The following NRXN3 variants were observed in gnomAD, a reference collection of about 807,000 sequenced individuals.
The protein encoded by NRXN3 is neurexin III.
NRXN3 carries 32 observed loss-of-function variants against 137.6 expected under a neutral mutation model. The observed-to-expected ratio is 0.23, with a 90% CI of 0.18 to 0.31. NRXN3 has a LOEUF of 0.31. Ranked by LOEUF, NRXN3 falls within the 10% of genes least tolerant of loss-of-function variation. The pLI is 1.00. For missense variants in NRXN3, 1,574 were observed against 2,062.5 expected (o/e 0.76, Z 4.59); for synonymous variants, 798 against 784.5 (o/e 1.02, Z -0.29).
Position 78,496,891 on chromosome 14 carries a change from A to G in NRXN3, c.758-148229A>G, listed in dbSNP as rs77360690. Among the ~76,000 whole-genome samples, 930 of 152,174 alleles carry G rather than the reference A, an allele frequency of 6.1e-3. 7 individuals carry two copies. The highest frequency in any genetic ancestry group is 0.021 in the African/African-American group (878 of 41,524). On this transcript the variant is annotated intron_variant, in intron 4 of 20. Transcript: ENST00000335750. ...CTGAAGGACTCCAACTTGTACTTTG[A>G]GTTAAAATGGGAGCCACTGCAGAGT...
chr14:79,230,076 G>A (rs547523244), intron 15 of NRXN3, among the ~76,000 whole-genome samples: 1 of 152,108 alleles, frequency 6.6e-6, no homozygotes, highest in South Asian at 2.1e-4. Context: ...GCAGCAATCT[G>A]CTGCACTTTG....
intron 4 of NRXN3, among the ~76,000 whole-genome samples, chr14:78,493,779 A>G (rs758890983): frequency 1.4e-4 from 21 of 152,174 alleles, no homozygotes; most frequent in Non-Finnish European, 2.5e-4. Context: ...ACCTCAGTAC[A>G]TTCCAAAGCA....
At chr14:79,036,816 T>C (rs925880371) in intron 15 of NRXN3, among the ~76,000 whole-genome samples, 2 of 151,908 alleles carry the variant, frequency 1.3e-5, no homozygotes, top group Admixed American at 6.6e-5. Context: ...ATTTTTATAG[T>C]ATTGTTGACT....
At position 79,726,260 on chromosome 14, in the gene NRXN3, C is replaced by G. The variant is rs191099269; in HGVS notation, c.4014+28323C>G. 2.4e-4 allele frequency among the ~76,000 whole-genome samples: 36 copies of G among 152,254 alleles called. 1 individual carries two copies. The East Asian group carries it at 6.9e-3, about 29-fold the overall frequency. On this transcript the variant is annotated intron_variant, in intron 19 of 20. Transcript: ENST00000335750. Reference sequence around the variant, plus strand: ...AGCAAGGATTTGCTTTAAAATGTTTCTCTCCGATTTAGTTGCTGCACCTGG... The same window carrying G: ...AGCAAGGATTTGCTTTAAAATGTTTGTCTCCGATTTAGTTGCTGCACCTGG...
At chr14:79,039,171 T>G (rs2099621106) in intron 15 of NRXN3, among the ~76,000 whole-genome samples, 1 of 152,062 alleles carries the variant, frequency 6.6e-6, no homozygotes, top group African/African-American at 2.4e-5. Flanking sequence ...AATATAGAGG[T>G]TTCCTTGTCT....
chr14:78,518,246 A>G (rs867475327), intron 4 of NRXN3, among the ~76,000 whole-genome samples: 2 of 152,154 alleles, frequency 1.3e-5, no homozygotes, highest in South Asian at 2.1e-4. Context: ...GATGCCCACA[A>G]TGAGGGCTGT....
Position 78,630,581 on chromosome 14 carries a change from TTTTC to T in NRXN3, c.758-14523_758-14520del, listed in dbSNP as rs1205052588. ...TACAAATGTACTACACTCTTCTTAT[TTTTC>T]TTTCTTTCTTTCTTTTTTTTTTTTT... On this transcript the variant is annotated intron_variant, in intron 4 of 20. Transcript: ENST00000335750. Among the ~76,000 whole-genome samples, 874 of 146,704 alleles carry T rather than the reference TTTTC, an allele frequency of 6.0e-3. 4 individuals carry two copies. The highest frequency in any genetic ancestry group is 0.018 in the African/African-American group (697 of 38,840).
chr14:79,691,312 T>A (rs2098715684), intron 17 of NRXN3, among the ~76,000 whole-genome samples: 2 of 151,954 alleles, frequency 1.3e-5, no homozygotes. Flanking sequence ...AATGGATGCT[T>A]GTTCAGAAAG....
chr14:79,078,585 G>C (rs1019598847), intron 15 of NRXN3, among the ~76,000 whole-genome samples: 9 of 152,126 alleles, frequency 5.9e-5, no homozygotes, highest in Non-Finnish European at 1.0e-4. Context: ...AAGAATAAGA[G>C]GTGGTAAAAT....
intron 15 of NRXN3, among the ~76,000 whole-genome samples, chr14:79,374,719 A>G (rs1349579463): frequency 6.6e-6 from 1 of 152,124 alleles, no homozygotes; most frequent in Non-Finnish European, 1.5e-5. Context: ...CCCATGCTTC[A>G]AGATGTCCCA....
chr14:79,113,179 C>G (rs2053838077), intron 15 of NRXN3, among the ~76,000 whole-genome samples: 1 of 152,094 alleles, frequency 6.6e-6, no homozygotes, highest in South Asian at 2.1e-4. Flanking sequence ...CAGACATTGC[C>G]AAATGTCCTC....
At chr14:79,828,722 T>C (rs779192440) in intron 20 of NRXN3, among the ~76,000 whole-genome samples, 4 of 147,540 alleles carry the variant, frequency 2.7e-5, no homozygotes, top group African/African-American at 5.0e-5. Flanking sequence ...GGAATAGTCA[T>C]GGGAGCCATT....
Position 79,867,920 on chromosome 14 carries a change from A to T in NRXN3, c.*5956A>T, listed in dbSNP as rs1322073468. The T allele has an allele frequency of 6.6e-6, 1 of 151,186 alleles. No individual in the cohort carries two copies. Among genetic ancestry groups the T allele is most frequent in the Non-Finnish European group, 1.5e-5 (1 of 67,940 alleles). The allele number at this position is 151,186 out of a possible 1,614,324, so 9.4% of individuals were successfully genotyped here. A position where few individuals can be genotyped will look rare whatever the true frequency, so the allele number is the denominator to read the frequency against. On this transcript the variant is annotated 3_prime_UTR_variant, in exon 21 of 21. Coordinates refer to ENST00000335750, the MANE Select transcript of NRXN3 (RefSeq NM_001330195.2). ...AAGCAATGCATGCTCAGATCTTGGG[A>T]GATGTATTAAATGAGTAGAGTGAAT...
chr14:78,401,706 G>T (rs757209461), intron 4 of NRXN3, among the ~76,000 whole-genome samples: 2 of 152,110 alleles, frequency 1.3e-5, no homozygotes, highest in African/African-American at 4.8e-5. Context: ...TGAACAAATA[G>T]CCAGTCTCTG....
chr14:79,617,931 A>AAAAAAAAAAAAT (rs2098179021), intron 16 of NRXN3, among the ~76,000 whole-genome samples: 1 of 144,740 alleles, frequency 6.9e-6, no homozygotes, highest in African/African-American at 2.9e-5. Flanking sequence ...AAAAAAAAAA[A>AAAAAAAAAAAAT]ACATGCTTAT....
chr14:78,384,258 G>A (rs1205463488), intron 4 of NRXN3, among the ~76,000 whole-genome samples: 1 of 151,994 alleles, frequency 6.6e-6, no homozygotes, highest in Non-Finnish European at 1.5e-5. Flanking sequence ...CCAATTGGTT[G>A]AGCCTGTCAC....
At chr14:78,881,825 A>G (rs1173727037) in intron 10 of NRXN3, among the ~76,000 whole-genome samples, 2 of 151,690 alleles carry the variant, frequency 1.3e-5, no homozygotes, top group African/African-American at 4.9e-5. Flanking sequence ...TTGCATAAGT[A>G]ATGAACCAAA....
intron 10 of NRXN3, among the ~76,000 whole-genome samples, chr14:78,952,326 A>G (rs968925571): frequency 1.3e-5 from 2 of 152,234 alleles, no homozygotes; most frequent in Non-Finnish European, 2.9e-5. Context: ...CTGTTGGGTT[A>G]GACACCCAAA....
At chr14:79,435,980 G>A (rs894647317) in intron 15 of NRXN3, among the ~76,000 whole-genome samples, 13 of 152,114 alleles carry the variant, frequency 8.5e-5, no homozygotes, top group Admixed American at 8.5e-4. Flanking sequence ...GATAAAAAGG[G>A]AGAGAGGCTC....
Sources: allele counts gnomAD v4.1 joint callset (sites outside exome capture counted in the v4.1 genomes callset), GRCh38; gene constraint gnomAD v4.1.1; transcripts MANE v1.5; gene names NCBI Gene and HGNC (gene_info 2026-07-23, HGNC 2026-07-21).